MACROD2: variants seen among roughly 807,000 people sequenced by gnomAD.
MACROD2 encodes mono-ADP ribosylhydrolase 2.
Under a neutral mutation model 70.4 loss-of-function variants are expected in MACROD2, and 36 were observed. The ratio of observed to expected loss-of-function variants is 0.51; its 90% CI spans 0.39 to 0.68. The LOEUF is 0.68. Ranked by LOEUF, MACROD2 falls within the 30% of genes least tolerant of loss-of-function variation. The pLI, the probability that MACROD2 is intolerant of heterozygous loss-of-function variation, is 0.00. For synonymous variants in MACROD2, 172 were observed against 178.8 expected (o/e 0.96, Z 0.30); for missense variants, 496 against 538.4 (o/e 0.92, Z 0.78).
Position 15,270,071 on chromosome 20 carries a change from G to A in MACROD2, c.540+40010G>A, listed in dbSNP as rs925041058. Among the ~76,000 whole-genome samples, 6 of 151,804 alleles carry A rather than the reference G, an allele frequency of 4.0e-5. No homozygotes were observed. In the South Asian group the frequency reaches 1.2e-3, roughly 32 times the overall value. On this transcript the variant is annotated intron_variant, in intron 6 of 17. Coordinates refer to ENST00000684519, the MANE Select transcript of MACROD2 (RefSeq NM_001351661.2). ...AGGCACTAATGTGGACTATGAACTG[G>A]ATCATCAGCATGTAGAACCCCAGAG...
chr20:14,763,362 G>A (rs946071670), intron 5 of MACROD2, among the ~76,000 whole-genome samples: 11 of 152,074 alleles, frequency 7.2e-5, no homozygotes, highest in Non-Finnish European at 1.5e-4. Flanking sequence ...AGTTGAATCT[G>A]GATGGATTTG....
rs41275430 is a variant in MACROD2 at position 15,431,563 on chromosome 20, G to A, written c.571+128G>A. 68 of 813,006 alleles carry A rather than the reference G, an allele frequency of 8.4e-5. 2 individuals are homozygous for A. In the Admixed American group the frequency reaches 9.9e-4, roughly 12 times the overall value. 50.4% of individuals were successfully genotyped at this position (813,006 alleles called of 1,614,324 possible). On this transcript the variant is annotated intron_variant, in intron 7 of 17. Transcript: ENST00000684519. ...TGTGATTTAGAGACTAAAAATGCTC[G>A]TCAAATCCCATTAAAGAATGTCATG...
At chr20:15,103,246 A>T (rs559930132) in intron 5 of MACROD2, among the ~76,000 whole-genome samples, 1 of 152,280 alleles carries the variant, frequency 6.6e-6, no homozygotes, top group East Asian at 1.9e-4. Context: ...CCATTCTACC[A>T]GTCTCAGTAG....
At chr20:15,326,659 G>A (rs555843487) in intron 6 of MACROD2, among the ~76,000 whole-genome samples, 2 of 152,136 alleles carry the variant, frequency 1.3e-5, no homozygotes, top group East Asian at 3.9e-4. Context: ...CTCACATTTG[G>A]ATAAGACAAG....
chr20:14,025,073 T>A (rs2053142669), intron 2 of MACROD2, among the ~76,000 whole-genome samples: 1 of 152,138 alleles, frequency 6.6e-6, no homozygotes, highest in African/African-American at 2.4e-5. Flanking sequence ...TTCAGGGATT[T>A]GACTTCTTTC....
At chr20:16,016,564 T>A (rs1346217824) in intron 15 of MACROD2, among the ~76,000 whole-genome samples, 3 of 152,176 alleles carry the variant, frequency 2.0e-5, no homozygotes, top group Non-Finnish European at 4.4e-5. Flanking sequence ...TGTTTTTGGT[T>A]TACTCTTGTT....
At chr20:14,242,007 GTATTA>G (rs985304240) in intron 3 of MACROD2, among the ~76,000 whole-genome samples, 4 of 152,036 alleles carry the variant, frequency 2.6e-5, no homozygotes, top group African/African-American at 9.7e-5. Flanking sequence ...TCAGTCATTT[GTATTA>G]TATTAAAATG....
At chr20:15,747,036 A>G (rs1159333938) in intron 8 of MACROD2, among the ~76,000 whole-genome samples, 1 of 152,160 alleles carries the variant, frequency 6.6e-6, no homozygotes. Context: ...AGTTCTAAAC[A>G]AAAAGCTCCT....
intron 5 of MACROD2, among the ~76,000 whole-genome samples, chr20:15,041,745 G>T (rs2075358331): frequency 6.6e-6 from 1 of 152,012 alleles, no homozygotes. Context: ...CACCCAAACT[G>T]AATTTTTTAA....
rs1418521171 is a variant in MACROD2 at position 15,759,729 on chromosome 20, T to C, written c.646-103016T>C. 3.9e-5 allele frequency among the ~76,000 whole-genome samples: 6 copies of C among 152,330 alleles called. No individual in the cohort carries two copies. The East Asian group carries it at 9.6e-4, about 24-fold the overall frequency. On this transcript the variant is annotated intron_variant, in intron 8 of 17. Coordinates refer to ENST00000684519, the MANE Select transcript of MACROD2 (RefSeq NM_001351661.2). ...GACGTAGACTATTTATGGGACAATA[T>C]TGCCCTCTGGCAGTGAGGCAGCCAG...
chr20:14,304,982 A>G (rs2082507787), intron 3 of MACROD2, among the ~76,000 whole-genome samples: 1 of 152,136 alleles, frequency 6.6e-6, no homozygotes, highest in South Asian at 2.1e-4. Flanking sequence ...ACTATATATT[A>G]GAATCAATGG....
chr20:15,426,055 T>C (rs2046292441), intron 6 of MACROD2, among the ~76,000 whole-genome samples: 1 of 152,198 alleles, frequency 6.6e-6, no homozygotes, highest in African/African-American at 2.4e-5. Context: ...AGGATTTCAG[T>C]GCTTTTCACT....
intron 5 of MACROD2, among the ~76,000 whole-genome samples, chr20:14,895,949 T>A (rs2122529161): frequency 6.6e-6 from 1 of 152,342 alleles, no homozygotes; most frequent in East Asian, 1.9e-4. Context: ...TTACCATATA[T>A]GTTTCTCTTT....
At chr20:14,498,855 A>G (rs979962219) in intron 4 of MACROD2, among the ~76,000 whole-genome samples, 1 of 152,188 alleles carries the variant, frequency 6.6e-6, no homozygotes, top group African/African-American at 2.4e-5. Context: ...TTCCCAGCAT[A>G]TATCACTCCA....
intron 3 of MACROD2, among the ~76,000 whole-genome samples, chr20:14,209,293 T>C (rs2081551450): frequency 2.6e-5 from 4 of 152,192 alleles, no homozygotes; most frequent in Admixed American, 2.6e-4. Flanking sequence ...TACAGTACTA[T>C]TTTAGTATTG....
chr20:15,519,052 CTCTT>C lies in MACROD2; in HGVS notation c.645+19208_645+19211del, dbSNP rs1468927150. On this transcript the variant is annotated intron_variant, in intron 8 of 17. Coordinates refer to ENST00000684519, the MANE Select transcript of MACROD2 (RefSeq NM_001351661.2). ...CTATGAAGTAGGAACTGTTAACTCG[CTCTT>C]TCCTTCCTTCCTTCCTTCCTTCCTT... Among the ~76,000 whole-genome samples, 88 of 141,832 alleles carry C rather than the reference CTCTT, an allele frequency of 6.2e-4. 1 individual carries two copies. The East Asian group carries it at 0.018, about 28-fold the overall frequency. 93.0% of individuals were successfully genotyped at this position (141,832 alleles called of 152,430 possible). A position where few individuals can be genotyped will look rare whatever the true frequency, so the allele number is the denominator to read the frequency against.
chr20:14,233,780 T>C (rs2081843685), intron 3 of MACROD2, among the ~76,000 whole-genome samples: 1 of 151,174 alleles, frequency 6.6e-6, no homozygotes. Context: ...AAATGCCTAT[T>C]ACTAAGTGAA....
At chr20:14,235,494 C>T (rs1238369092) in intron 3 of MACROD2, among the ~76,000 whole-genome samples, 2 of 152,156 alleles carry the variant, frequency 1.3e-5, no homozygotes, top group African/African-American at 2.4e-5. Flanking sequence ...AACTGCTAAG[C>T]TATGTTACCT....
chr20:15,816,117 A>G (rs1600938119), intron 8 of MACROD2, among the ~76,000 whole-genome samples: 1 of 152,082 alleles, frequency 6.6e-6, no homozygotes, highest in East Asian at 1.9e-4. Flanking sequence ...CATCACATAT[A>G]TGATCCTATT....
Sources: allele counts gnomAD v4.1 joint callset (sites outside exome capture counted in the v4.1 genomes callset), GRCh38; gene constraint gnomAD v4.1.1; transcripts MANE v1.5; gene names NCBI Gene and HGNC (gene_info 2026-07-23, HGNC 2026-07-21).